The following PPP1R10 variants were observed in gnomAD, a reference collection of about 807,000 sequenced individuals.
PPP1R10 encodes protein phosphatase 1 regulatory subunit 10, also known as serine/threonine-protein phosphatase 1 regulatory subunit 10.
In PPP1R10, 15 loss-of-function variants were observed where a neutral mutation model predicts 99.0. The ratio of observed to expected loss-of-function variants is 0.15; its 90% CI spans 0.10 to 0.23. PPP1R10 has a LOEUF of 0.23. Ranked by LOEUF, PPP1R10 falls within the 10% of genes least tolerant of loss-of-function variation. The pLI is 1.00. For missense variants in PPP1R10, 947 were observed against 1,259.4 expected, an observed-to-expected ratio of 0.75 and a Z score of 3.75; for synonymous variants, 430 against 449.5, an observed-to-expected ratio of 0.96 and a Z score of 0.55.
In PPP1R10 at chr6:30,601,649, T is replaced by C. The variant is rs773978396; in HGVS notation, c.2723A>G (p.Asn908Ser). The change falls in exon 20 of 20, where the codon AAC (asparagine) becomes AGC (serine). Residue 908 changes from asparagine (N) to serine (S), a missense_variant. Asn to Ser is a conservative substitution (Grantham distance 46, BLOSUM62 1). Around this residue, in one of 10 missense-constraint regions of PPP1R10, gnomAD observed 525 missense variants for 578.8 expected, o/e 0.91. Transcript: ENST00000376511. Reference protein sequence around the residue: ...GGHSHGGDMSNRPVCRHFMMK... With the variant: ...GGHSHGGDMSSRPVCRHFMMK... ...CATGAAATGTCGGCAGACAGGGCGG[T>C]TTGACATGTCTGTGGGAACGATGGC... 26 of 1,613,594 alleles carry C rather than the reference T, an allele frequency of 1.6e-5. No individual in the cohort carries two copies. Among genetic ancestry groups the C allele is most frequent in the Non-Finnish European group, 2.2e-5 (26 of 1,179,882 alleles).
At position 30,605,997 on chromosome 6, in the gene PPP1R10, T is replaced by C. The variant is rs1449035203; in HGVS notation, c.779A>G (p.Glu260Gly). The C allele has an allele frequency of 6.2e-7, 1 of 1,614,000 alleles. No individual in the cohort carries two copies. The highest frequency in any genetic ancestry group is 8.5e-7 in the Non-Finnish European group (1 of 1,179,998). ...AAPGDATPPA[E>G]KKYKPLNTTP... ...TGTGTTGAGTGGCTTGTATTTCTTC[T>C]CTGCAGGGGGAGTGGCATCTCCTGG... The change falls in exon 10 of 20, where the codon GAG becomes GGG. Residue 260 changes from glutamate (E) to glycine (G), a missense_variant. Physicochemically the swap from Glu to Gly is moderately conservative, Grantham distance 98. Coordinates refer to ENST00000376511, the MANE Select transcript of PPP1R10 (RefSeq NM_002714.4).
Position 30,601,486 on chromosome 6 carries a change from C to A in PPP1R10, c.*63G>T. On this transcript the variant is annotated 3_prime_UTR_variant, in exon 20 of 20. Coordinates refer to ENST00000376511, the MANE Select transcript of PPP1R10 (RefSeq NM_002714.4). Reference sequence around the variant, plus strand: ...AAAATGGGCCTCACAGAAGCCATAACAGGGTGGAAAGAGCGAGGCTGCAGT... The same window carrying A: ...AAAATGGGCCTCACAGAAGCCATAAAAGGGTGGAAAGAGCGAGGCTGCAGT... 4 of 1,408,914 alleles carry A rather than the reference C, an allele frequency of 2.8e-6. No individual in the cohort carries two copies. The highest frequency in any genetic ancestry group is 4.0e-6 in the Non-Finnish European group (4 of 1,000,214). The allele number at this position is 1,408,914 out of a possible 1,614,324, so 87.3% of individuals were successfully genotyped here.
At position 30,606,449 on chromosome 6, in the gene PPP1R10, G is replaced by A. The variant is rs754440980; in HGVS notation, c.634+19C>T. 10 of 1,611,910 alleles carry A rather than the reference G, an allele frequency of 6.2e-6. No homozygotes were observed. The highest frequency in any genetic ancestry group is 2.7e-5 in the African/African-American group (2 of 74,830). On this transcript the variant is annotated intron_variant, in intron 8 of 19. Coordinates refer to ENST00000376511, the MANE Select transcript of PPP1R10 (RefSeq NM_002714.4). The surrounding 1 kb of genome is among the most constrained non-coding windows in gnomAD (Gnocchi z 6.3). Reference sequence around the variant, plus strand: ...TGCACATGCCCATGAACCCTCCAGAGGCCAGCCGCCAGTCTTACCAGTGGA... The same window carrying A: ...TGCACATGCCCATGAACCCTCCAGAAGCCAGCCGCCAGTCTTACCAGTGGA...
At chr6:30,613,216 T>C (rs1023908857) in intron 2 of PPP1R10, among the ~76,000 whole-genome samples, 2 of 152,038 alleles carry the variant, frequency 1.3e-5, no homozygotes, top group African/African-American at 4.8e-5. Context: ...TTAAATAGGG[T>C]GAAAAAATAT....
At chr6:30,608,751 A>G in intron 5 of PPP1R10, 28 bp downstream of exon 5, 1 of 1,605,712 alleles carries the variant, frequency 6.2e-7, no homozygotes, top group Non-Finnish European at 8.5e-7. Context: ...CAAAAAAGGA[A>G]GAATCAGGGT....
intron 1 of PPP1R10, 21 bp downstream of exon 1, chr6:30,617,203 C>T (rs552496226): frequency 4.6e-5 from 7 of 153,340 alleles, no homozygotes; most frequent in Admixed American, 1.3e-4. Context: ...ACCCACTAGA[C>T]GACAAAGTAG....
intron 17 of PPP1R10, 68 bp from the exon 18 acceptor site, chr6:30,603,027 T>G: frequency 7.0e-7 from 1 of 1,427,356 alleles, no homozygotes; most frequent in Non-Finnish European, 9.5e-7. Flanking sequence ...CCCATTTAGG[T>G]GCAACCAACT....
chr6:30,613,343 G>A (rs1432749145), intron 2 of PPP1R10, among the ~76,000 whole-genome samples: 2 of 152,132 alleles, frequency 1.3e-5, no homozygotes, highest in Non-Finnish European at 2.9e-5. Flanking sequence ...TCTAACAAAA[G>A]GAGAAAAAAG....
In PPP1R10 at chr6:30,606,059, A is replaced by C; in HGVS notation, c.741-24T>G. On this transcript the variant is annotated intron_variant, in intron 9 of 19. Transcript: ENST00000376511. The surrounding 1 kb of genome is among the most constrained non-coding windows in gnomAD (Gnocchi z 6.3). Reference sequence around the variant, plus strand: ...TGCTGTCAGAAGAGGAACTGTCATCAACATCTCCGACTCACCCCCTCCTGC... The same window carrying C: ...TGCTGTCAGAAGAGGAACTGTCATCCACATCTCCGACTCACCCCCTCCTGC... 1 of 1,613,140 alleles carries C rather than the reference A, an allele frequency of 6.2e-7. No homozygotes were observed. Among genetic ancestry groups the C allele is most frequent in the African/African-American group, 1.3e-5 (1 of 74,962 alleles).
chr6:30,611,846 G>A (rs540838294), intron 2 of PPP1R10, among the ~76,000 whole-genome samples: 1 of 152,240 alleles, frequency 6.6e-6, no homozygotes, highest in Non-Finnish European at 1.5e-5. Context: ...AAACATTCAA[G>A]GAGAATACTG....
At chr6:30,610,079 A>G in intron 2 of PPP1R10, 124 bp from the exon 3 acceptor site, 1 of 663,554 alleles carries the variant, frequency 1.5e-6, no homozygotes, top group East Asian at 2.7e-5. Context: ...TTATTCAACT[A>G]TGCTATTTTT....
chr6:30,613,368 T>G (rs572893060), intron 2 of PPP1R10, among the ~76,000 whole-genome samples: 1 of 152,300 alleles, frequency 6.6e-6, no homozygotes, highest in Admixed American at 6.5e-5. Flanking sequence ...AAATTTACCT[T>G]AATTTAGAGG....
intron 10 of PPP1R10, among the ~76,000 whole-genome samples, chr6:30,605,615 C>G (rs954899176): frequency 6.6e-6 from 1 of 152,102 alleles, no homozygotes; most frequent in Non-Finnish European, 1.5e-5. Context: ...AATCCCAGCA[C>G]TTTGGGAAGC....
At position 30,608,791 on chromosome 6, in the gene PPP1R10, G is replaced by A; in HGVS notation, c.318C>T (p.Asp106=). 1 of 1,614,110 alleles carries A rather than the reference G, an allele frequency of 6.2e-7. No individual in the cohort carries two copies. Among genetic ancestry groups the A allele is most frequent in the Non-Finnish European group, 8.5e-7 (1 of 1,179,960 alleles). ...AGACTAAAGGTACCTGCTTGAGATG[G>A]TCTACAGTGAGCGGTAGATGCTGCA... ...LTLQHLPLTV[D]HLKQNNTAKL... The change falls in exon 5 of 20, where the codon GAC becomes GAT. Residue 106 remains aspartate (D), a synonymous_variant. Coordinates refer to ENST00000376511, the MANE Select transcript of PPP1R10 (RefSeq NM_002714.4).
intron 6 of PPP1R10, among the ~76,000 whole-genome samples, chr6:30,607,234 C>T (rs1407744695): frequency 6.6e-6 from 1 of 152,186 alleles, no homozygotes; most frequent in Admixed American, 6.5e-5. Flanking sequence ...ATACATGTAA[C>T]CAAAATCCAC....
rs1225416740 is a variant in PPP1R10 at position 30,606,337 on chromosome 6, G to C, written c.635-94C>G. On this transcript the variant is annotated intron_variant, in intron 8 of 19. Coordinates refer to ENST00000376511, the MANE Select transcript of PPP1R10 (RefSeq NM_002714.4). The surrounding 1 kb of genome is among the most constrained non-coding windows in gnomAD (Gnocchi z 6.3). The stretch of plus-strand genomic sequence containing the variant: ...CACCCGCAAATGTTCTTCTAGCCTT[G>C]TAACCAAAGCTTCCTCTGCTAGTCT... The C allele has an allele frequency of 6.4e-7, 1 of 1,568,966 alleles. No homozygotes were observed. Among genetic ancestry groups the C allele is most frequent in the Non-Finnish European group, 8.7e-7 (1 of 1,148,754 alleles).
At position 30,608,491 on chromosome 6, in the gene PPP1R10, C is replaced by T. The variant is rs191734128; in HGVS notation, c.330+288G>A. 1.2e-3 allele frequency among the ~76,000 whole-genome samples: 179 copies of T among 151,970 alleles called. 2 individuals carry two copies. In the East Asian group the frequency reaches 0.025, roughly 22 times the overall value. On this transcript the variant is annotated intron_variant, in intron 5 of 19. Coordinates refer to ENST00000376511, the MANE Select transcript of PPP1R10 (RefSeq NM_002714.4). ...TAATTTTTTGTATTTTTAGTGGAGA[C>T]GGGGTTTCACCACGTCAGCCAGGAT... is the stretch of plus-strand genomic sequence containing the variant.
chr6:30,615,488 A>G (rs1444384956), intron 2 of PPP1R10, among the ~76,000 whole-genome samples: 1 of 152,180 alleles, frequency 6.6e-6, no homozygotes, highest in East Asian at 1.9e-4. Flanking sequence ...GACAGGAAAA[A>G]AAATGGGTCA....
rs1803915861 is a variant in PPP1R10, at chr6:30,606,088, CTT to C, written c.740+48_740+49del. 5.0e-6 allele frequency: 8 copies of C among 1,612,718 alleles called. No individual in the cohort carries two copies. Among genetic ancestry groups the C allele is most frequent in the African/African-American group, 1.3e-5 (1 of 74,860 alleles). ...TCTCCGACTCACCCCCTCCTGCTCC[CTT>C]GTGTCCACAGATCCACCCCATTCAG... On this transcript the variant is annotated intron_variant, in intron 9 of 19. Transcript: ENST00000376511. The surrounding 1 kb of genome is among the most constrained non-coding windows in gnomAD (Gnocchi z 6.3).
Sources: gnomAD v4.1 joint callset for allele counts (sites outside exome capture counted in the v4.1 genomes callset) on GRCh38, gnomAD v4.1.1 for gene constraint, gnomAD v4.1.1 regional missense constraint, Gnocchi (gnomAD v3.1) non-coding constraint, MANE v1.5 for transcripts, NCBI Gene and HGNC (gene_info 2026-07-23, HGNC 2026-07-21) for gene names.